The following AGBL1 variants were observed in gnomAD, a reference collection of about 807,000 sequenced individuals.
AGBL1 encodes AGBL carboxypeptidase 1.
AGBL1 carries 130 observed loss-of-function variants against 118.9 expected under a neutral mutation model. The ratio of observed to expected loss-of-function variants is 1.09; its 90% confidence interval spans 0.95 to 1.26. The LOEUF (loss-of-function observed/expected upper bound fraction) is 1.26, where lower values mean the gene tolerates loss of function less well. AGBL1 is among the 50% of genes most tolerant of loss of function. The probability of loss-of-function intolerance (pLI) is 0.00; values close to 1 mark genes in which losing one functional copy is unlikely to be tolerated. For missense variants in AGBL1, 1,584 were observed against 1,298.1 expected (o/e 1.22, Z -3.38); for synonymous variants, 555 against 478.9 (o/e 1.16, Z -2.08).
intron 1 of AGBL1, chr15:86,086,308 A>G (rs1451207463): frequency 6.6e-6 from 1 of 152,176 alleles, no homozygotes; most frequent in Non-Finnish European, 1.5e-5. Flanking sequence ...ACCTCTTCAT[A>G]TTTCAGAAAT....
intron 17 of AGBL1, among the ~76,000 whole-genome samples, chr15:86,343,865 G>A (rs2080497487): frequency 1.3e-5 from 2 of 152,092 alleles, no homozygotes; most frequent in South Asian, 4.1e-4. Context: ...CGTCTGATAG[G>A]GCTATGAAAT....
intron 22 of AGBL1, among the ~76,000 whole-genome samples, chr15:86,895,127 T>G (rs2141566558): frequency 6.6e-6 from 1 of 151,994 alleles, no homozygotes; most frequent in African/African-American, 2.4e-5. Flanking sequence ...CTTTCTTCCT[T>G]CTACTTTCTT....
intron 22 of AGBL1, among the ~76,000 whole-genome samples, chr15:86,682,333 C>G (rs927220167): frequency 1.3e-5 from 2 of 152,206 alleles, no homozygotes; most frequent in Admixed American, 1.3e-4. Context: ...TAGCAAAAAA[C>G]AAACAAACAA....
chr15:86,251,395 T>C (rs768887938), intron 7 of AGBL1, among the ~76,000 whole-genome samples: 1 of 152,154 alleles, frequency 6.6e-6, no homozygotes, highest in Non-Finnish European at 1.5e-5. Context: ...AGGGCTCTGG[T>C]GGGGCCTGAG....
intron 22 of AGBL1, among the ~76,000 whole-genome samples, chr15:86,857,139 A>T (rs575852073): frequency 1.3e-5 from 2 of 152,208 alleles, no homozygotes; most frequent in East Asian, 3.9e-4. Context: ...TCTCCGGTTT[A>T]TCCATCCCCC....
intron 7 of AGBL1, among the ~76,000 whole-genome samples, chr15:86,255,891 T>C (rs998196780): frequency 2.6e-5 from 4 of 152,184 alleles, no homozygotes; most frequent in African/African-American, 9.7e-5. Context: ...TGGAAGTACC[T>C]GTAATGTTGA....
At chr15:86,956,217 T>TTAGA (rs57241299) in intron 23 of AGBL1, among the ~76,000 whole-genome samples, 28,918 of 147,510 alleles carry the variant, frequency 0.2, 2,808 homozygotes, top group East Asian at 0.24. Context: ...AGATGATTGA[T>TTAGA]TAGATAGATA....
intron 22 of AGBL1, among the ~76,000 whole-genome samples, chr15:86,725,484 G>T (rs12911731): frequency 0.2 from 30,083 of 152,134 alleles, 3,461 homozygotes; most frequent in African/African-American, 0.32. Flanking sequence ...AACACATTAG[G>T]GGTACCAGGC....
intron 22 of AGBL1, among the ~76,000 whole-genome samples, chr15:86,741,616 G>A (rs2077681466): frequency 6.6e-6 from 1 of 151,834 alleles, no homozygotes; most frequent in Non-Finnish European, 1.5e-5. Context: ...AGATCAGGAG[G>A]CAATCAAACA....
At chr15:86,690,660 G>T (rs1306843913) in intron 22 of AGBL1, among the ~76,000 whole-genome samples, 1 of 152,160 alleles carries the variant, frequency 6.6e-6, no homozygotes, top group Non-Finnish European at 1.5e-5. Flanking sequence ...GCACAGAAGA[G>T]TAGTGTGTGG....
At chr15:86,518,092 C>T (rs1197367917) in intron 18 of AGBL1, among the ~76,000 whole-genome samples, 2 of 152,182 alleles carry the variant, frequency 1.3e-5, no homozygotes, top group Non-Finnish European at 2.9e-5. Flanking sequence ...CTGATGGGCT[C>T]TATCCCTCTG....
At chr15:86,718,972 C>T (rs16977940) in intron 22 of AGBL1, among the ~76,000 whole-genome samples, 3,485 of 152,112 alleles carry the variant, frequency 0.023, 108 homozygotes, top group African/African-American at 0.077. Flanking sequence ...GGCTTCTGGT[C>T]TAACTGCCTA....
chr15:86,304,094 T>C (rs768679158), intron 17 of AGBL1, among the ~76,000 whole-genome samples: 2 of 152,186 alleles, frequency 1.3e-5, no homozygotes, highest in Non-Finnish European at 2.9e-5. Flanking sequence ...AAGAATTGTT[T>C]ACACTACAAG....
intron 8 of AGBL1, 98 bp from the exon 9 acceptor site, chr15:86,257,866 A>T: frequency 8.8e-7 from 1 of 1,139,660 alleles, no homozygotes. Flanking sequence ...CTTATTTGAG[A>T]GAGGAAGAAG....
chr15:86,167,427 G>C (rs185499752), intron 5 of AGBL1, among the ~76,000 whole-genome samples: 1 of 151,962 alleles, frequency 6.6e-6, no homozygotes, highest in Non-Finnish European at 1.5e-5. Context: ...TATATTTTTA[G>C]TAGAGATGGG....
intron 5 of AGBL1, among the ~76,000 whole-genome samples, chr15:86,216,229 CATTTATTT>C (rs56843379): frequency 5.3e-5 from 8 of 150,674 alleles, no homozygotes; most frequent in African/African-American, 1.7e-4. Flanking sequence ...AACTACATGC[CATTTATTT>C]ATTTATTTAT....
At chr15:86,505,180 C>T (rs2082960460) in intron 18 of AGBL1, among the ~76,000 whole-genome samples, 1 of 151,774 alleles carries the variant, frequency 6.6e-6, no homozygotes, top group Non-Finnish European at 1.5e-5. Flanking sequence ...TTGTAGCTTT[C>T]AAAATTCTCT....
rs560394322 is a variant in AGBL1, at chr15:86,701,040, G to T, written c.3158+26604G>T. Among the ~76,000 whole-genome samples the T allele has an allele frequency of 1.7e-4, 26 of 152,246 alleles. 1 individual carries two copies. Among genetic ancestry groups the T allele is most frequent in the Admixed American group, 1.4e-3 (21 of 15,284 alleles). The stretch of plus-strand genomic sequence containing the variant: ...GAGCTGTGTCCTGTGCTCATTCCCT[G>T]GATGAATTCCAGGTGCACATTAACA... On this transcript the variant is annotated intron_variant, in intron 22 of 22. Coordinates refer to ENST00000614907, the MANE Select transcript of AGBL1 (RefSeq NM_001386094.1).
At chr15:86,095,287 T>C (rs1189488095) in intron 1 of AGBL1, among the ~76,000 whole-genome samples, 2 of 152,174 alleles carry the variant, frequency 1.3e-5, no homozygotes, top group African/African-American at 4.8e-5. Context: ...CATTGGCCTT[T>C]GGCAGTTACT....
Sources: allele counts gnomAD v4.1 joint callset (sites outside exome capture counted in the v4.1 genomes callset), GRCh38; gene constraint gnomAD v4.1.1; transcripts MANE v1.5; gene names NCBI Gene and HGNC (gene_info 2026-07-23, HGNC 2026-07-21).